MAML3: variants seen among roughly 807,000 people sequenced by gnomAD.
MAML3 encodes the protein mastermind like transcriptional coactivator 3, also known as mastermind-like protein 3.
MAML3 carries 27 observed loss-of-function variants against 101.9 expected under a neutral mutation model. The ratio of observed to expected loss-of-function variants is 0.27; its 90% CI spans 0.20 to 0.37. MAML3 has a LOEUF of 0.37. MAML3 is among the 10% of genes least tolerant of loss of function. The pLI is 1.00. For missense variants in MAML3, 1,316 were observed against 1,444.9 expected (o/e 0.91, Z 1.45); for synonymous variants, 501 against 555.9 (o/e 0.90, Z 1.39).
At chr4:139,969,212 T>C (rs1734192614) in intron 1 of MAML3, among the ~76,000 whole-genome samples, 2 of 151,384 alleles carry the variant, frequency 1.3e-5, no homozygotes, top group African/African-American at 4.9e-5. Flanking sequence ...GACCCTCCAC[T>C]GCATACCAGA....
At chr4:140,058,568 A>G (rs370567872) in intron 1 of MAML3, among the ~76,000 whole-genome samples, 9 of 19,066 alleles carry the variant, frequency 4.7e-4, no homozygotes, top group Admixed American at 1.2e-3. Context: ...TAATACATGT[A>G]TATATATATA....
At chr4:139,893,158 T>G (rs1041781835) in intron 1 of MAML3, among the ~76,000 whole-genome samples, 1 of 152,218 alleles carries the variant, frequency 6.6e-6, no homozygotes, top group Admixed American at 6.5e-5. Context: ...GGTGCTAAGC[T>G]TCCTTCTGCC....
At chr4:140,070,388 G>C (rs1727628777) in intron 1 of MAML3, among the ~76,000 whole-genome samples, 1 of 152,184 alleles carries the variant, frequency 6.6e-6, no homozygotes, top group African/African-American at 2.4e-5. Flanking sequence ...TAGTAAGCCT[G>C]TTTTGCCATC....
chr4:140,002,792 C>G (rs1183277141), intron 1 of MAML3, among the ~76,000 whole-genome samples: 2 of 152,100 alleles, frequency 1.3e-5, no homozygotes, highest in Non-Finnish European at 2.9e-5. Context: ...CTAGGTATAC[C>G]CAGTCCAAGT....
chr4:139,954,950 C>T lies in MAML3; in HGVS notation c.469-63983G>A, dbSNP rs750228063. ...ATAACAATGATAATAATAAAAGAAG[C>T]GATAATGATAATAATAATGGGAAAG... On this transcript the variant is annotated intron_variant, in intron 1 of 4. Coordinates refer to ENST00000509479, the MANE Select transcript of MAML3 (RefSeq NM_018717.5). 4.0e-5 allele frequency among the ~76,000 whole-genome samples: 6 copies of T among 151,740 alleles called. No homozygotes were observed. The South Asian group carries it at 8.3e-4, about 21-fold the overall frequency.
chr4:139,894,725 G>A (rs1434621937), intron 1 of MAML3, among the ~76,000 whole-genome samples: 1 of 81,494 alleles, frequency 1.2e-5, no homozygotes, highest in Admixed American at 1.1e-4. Context: ...AGAATTTGAC[G>A]GAAAAAAAAA....
chr4:140,024,267 G>A (rs913785707), intron 1 of MAML3, among the ~76,000 whole-genome samples: 2 of 150,170 alleles, frequency 1.3e-5, no homozygotes, highest in Non-Finnish European at 3.0e-5. Context: ...TTGCTCCGTC[G>A]CCCAGGCTGG....
chr4:139,727,211 G>T (rs1447801202), intron 3 of MAML3, among the ~76,000 whole-genome samples: 1 of 152,174 alleles, frequency 6.6e-6, no homozygotes, highest in Non-Finnish European at 1.5e-5. Flanking sequence ...AACAGCCTCT[G>T]ACTCGTTGAC....
chr4:140,057,966 GTT>G (rs33939712), intron 1 of MAML3, among the ~76,000 whole-genome samples: 91 of 150,492 alleles, frequency 6.0e-4, no homozygotes, highest in Middle Eastern at 3.4e-3. Context: ...GAGTTGTGGG[GTT>G]TTTTTTTTCA....
chr4:139,758,053 T>C (rs1729687865), intron 2 of MAML3, among the ~76,000 whole-genome samples: 1 of 152,224 alleles, frequency 6.6e-6, no homozygotes, highest in Non-Finnish European at 1.5e-5. Context: ...AGCCTTTGTC[T>C]TTGTATTCAC....
chr4:139,904,583 G>A (rs1039190164), intron 1 of MAML3, among the ~76,000 whole-genome samples: 1 of 152,210 alleles, frequency 6.6e-6, no homozygotes, highest in Non-Finnish European at 1.5e-5. Flanking sequence ...GCTTCCTGCT[G>A]GGGCTGACAC....
intron 1 of MAML3, among the ~76,000 whole-genome samples, chr4:140,060,364 T>TAAAAAAAAAAA (rs1727423722): frequency 3.6e-3 from 2 of 556 alleles, no homozygotes; most frequent in South Asian, 0.25. Context: ...AGACTCTGTC[T>TAAAAAAAAAAA]CAAAAAAAAA....
At chr4:140,021,866 C>G (rs1256209621) in intron 1 of MAML3, among the ~76,000 whole-genome samples, 4 of 152,190 alleles carry the variant, frequency 2.6e-5, no homozygotes, top group African/African-American at 9.7e-5. Flanking sequence ...TCAGCACTGT[C>G]ATCATAATGA....
chr4:139,741,644 G>A (rs1729167801), intron 2 of MAML3, among the ~76,000 whole-genome samples: 3 of 152,168 alleles, frequency 2.0e-5, no homozygotes, highest in Non-Finnish European at 4.4e-5. Flanking sequence ...TTACTCAGGA[G>A]GCTGAGGTGG....
At chr4:140,067,732 T>G in intron 1 of MAML3, among the ~76,000 whole-genome samples, 1 of 150,214 alleles carries the variant, frequency 6.7e-6, no homozygotes, top group Middle Eastern at 3.4e-3. Flanking sequence ...TAATCTTTTT[T>G]TTTTTTTTTT....
At position 139,889,414 on chromosome 4, in the gene MAML3, C is replaced by G; in HGVS notation, c.2022G>C (p.Lys674Asn). 1 of 1,614,084 alleles carries G rather than the reference C, an allele frequency of 6.2e-7. No individual in the cohort carries two copies. Among genetic ancestry groups the G allele is most frequent in the Non-Finnish European group, 8.5e-7 (1 of 1,179,908 alleles). The change falls in exon 2 of 5, where the codon AAG becomes AAC. Residue 674 changes from lysine (K) to asparagine (N), a missense_variant. By Grantham distance (94) the Lys-to-Asn change is moderately conservative (BLOSUM62 0). Coordinates refer to ENST00000509479, the MANE Select transcript of MAML3 (RefSeq NM_018717.5). ...SEDQKRLLLM[K>N]QKGVMNQPMA... The stretch of plus-strand genomic sequence containing the variant: ...TGGGCTGATTCATCACTCCTTTCTG[C>G]TTCATGAGAAGCAGGCGTTTCTGGT...
chr4:140,010,403 T>C (rs1031056682), intron 1 of MAML3, among the ~76,000 whole-genome samples: 4 of 152,224 alleles, frequency 2.6e-5, no homozygotes, highest in African/African-American at 9.6e-5. Flanking sequence ...AATGTCAGCG[T>C]TCATTGAAAG....
intron 1 of MAML3, among the ~76,000 whole-genome samples, chr4:139,901,114 C>G (rs181641400): frequency 1.1e-4 from 17 of 152,332 alleles, no homozygotes; most frequent in East Asian, 7.7e-4. Flanking sequence ...TCATGACGCT[C>G]TAAAGGGGAT....
chr4:140,086,101 G>C (rs1010321581), intron 1 of MAML3, among the ~76,000 whole-genome samples: 3 of 152,108 alleles, frequency 2.0e-5, no homozygotes, highest in African/African-American at 7.2e-5. Context: ...GCTCTTACAG[G>C]CCCTCCTCAA....
Sources: allele counts gnomAD v4.1 joint callset (sites outside exome capture counted in the v4.1 genomes callset), GRCh38; gene constraint gnomAD v4.1.1; transcripts MANE v1.5; gene names NCBI Gene and HGNC (gene_info 2026-07-23, HGNC 2026-07-21).